L3MBTL4: variants seen among roughly 807,000 people sequenced by gnomAD.
L3MBTL4 encodes the protein L3MBTL histone methyl-lysine binding protein 4, also known as lethal(3)malignant brain tumor-like protein 4.
Under a neutral mutation model 84.5 loss-of-function variants are expected in L3MBTL4, and 70 were observed. That is an observed-to-expected ratio of 0.83 (90% confidence interval 0.68 to 1.01). L3MBTL4 has a LOEUF of 1.01. Among genes scored for constraint, L3MBTL4 ranks in the 50% least tolerant of loss-of-function variants. The pLI, the probability that L3MBTL4 is intolerant of heterozygous loss-of-function variation, is 0.00. For synonymous variants in L3MBTL4, 274 were observed against 259.8 expected (o/e 1.05, Z -0.52); for missense variants, 715 against 754.8 (o/e 0.95, Z 0.62).
rs1255965160 is a variant in L3MBTL4 at position 5,954,778 on chromosome 18, G to A, written c.*1442C>T. 6.6e-6 allele frequency: 1 copy of A among 151,614 alleles called. No individual in the cohort carries two copies. The highest frequency in any genetic ancestry group is 1.9e-4 in the East Asian group (1 of 5,142). 9.4% of individuals were successfully genotyped at this position (151,614 alleles called of 1,614,324 possible). ...TAAAATTTTAACATGGCAGAAGCAG[G>A]AATTTTACTTGCACATGGCAGTCTA... On this transcript the variant is annotated 3_prime_UTR_variant, in exon 19 of 19. Coordinates refer to ENST00000317931, the MANE Select transcript of L3MBTL4 (RefSeq NM_001330559.2).
chr18:6,246,724 C>T (rs1568375349), intron 5 of L3MBTL4, among the ~76,000 whole-genome samples: 1 of 151,988 alleles, frequency 6.6e-6, no homozygotes, highest in Admixed American at 6.6e-5. Flanking sequence ...GCCAACATGG[C>T]GAAACCCCAT....
intron 4 of L3MBTL4, among the ~76,000 whole-genome samples, chr18:6,297,083 A>T (rs1156393751): frequency 2.0e-5 from 3 of 152,190 alleles, no homozygotes; most frequent in Non-Finnish European, 2.9e-5. Flanking sequence ...CCTTGGTTCC[A>T]TCAATTAACA....
intron 1 of L3MBTL4, among the ~76,000 whole-genome samples, chr18:6,338,692 C>G (rs1464284799): frequency 6.6e-6 from 1 of 151,652 alleles, no homozygotes; most frequent in Non-Finnish European, 1.5e-5. Flanking sequence ...AATTAAAAAA[C>G]CAAAATTATC....
chr18:5,958,115 G>GAAC (rs2095241361), intron 18 of L3MBTL4, among the ~76,000 whole-genome samples: 1 of 76,562 alleles, frequency 1.3e-5, no homozygotes, highest in African/African-American at 5.6e-5. Context: ...AGAAGAAGAA[G>GAAC]AAGAAGAAGA....
intron 14 of L3MBTL4, among the ~76,000 whole-genome samples, chr18:6,129,056 T>C (rs561156272): frequency 6.6e-6 from 1 of 152,182 alleles, no homozygotes; most frequent in East Asian, 1.9e-4. Flanking sequence ...GAAAGGCTAC[T>C]TCCAAGGATA....
intron 4 of L3MBTL4, among the ~76,000 whole-genome samples, chr18:6,293,432 G>A (rs2049956937): frequency 6.6e-6 from 1 of 151,986 alleles, no homozygotes; most frequent in East Asian, 1.9e-4. Context: ...GGGACTCACT[G>A]GCCAAACTGG....
At chr18:6,385,267 T>C (rs1032394181) in intron 1 of L3MBTL4, among the ~76,000 whole-genome samples, 10 of 152,020 alleles carry the variant, frequency 6.6e-5, no homozygotes, top group South Asian at 2.1e-4. Context: ...CTGAGCATAG[T>C]GGCATGTGCC....
At position 5,980,582 on chromosome 18, in the gene L3MBTL4, C is replaced by G. The variant is rs529760995; in HGVS notation, c.1445-11020G>C. On this transcript the variant is annotated intron_variant, in intron 16 of 18. Coordinates refer to ENST00000317931, the MANE Select transcript of L3MBTL4 (RefSeq NM_001330559.2). Reference sequence around the variant, plus strand: ...GAGTAGCTGGGATTACAGGCTTGCACCACCACCCCTTGATAATTTTTATAT... The same window carrying G: ...GAGTAGCTGGGATTACAGGCTTGCAGCACCACCCCTTGATAATTTTTATAT... Among the ~76,000 whole-genome samples, 4 of 151,934 alleles carry G rather than the reference C, an allele frequency of 2.6e-5. No individual in the cohort carries two copies. The South Asian group carries it at 8.3e-4, about 32-fold the overall frequency.
chr18:6,236,046 A>G (rs1374414763), intron 10 of L3MBTL4, among the ~76,000 whole-genome samples: 1 of 152,238 alleles, frequency 6.6e-6, no homozygotes, highest in Admixed American at 6.5e-5. Context: ...TCAGTGCACC[A>G]CTATCAAAAC....
intron 13 of L3MBTL4, among the ~76,000 whole-genome samples, chr18:6,165,697 G>T (rs1445242519): frequency 1.8e-4 from 28 of 152,258 alleles, no homozygotes; most frequent in Non-Finnish European, 2.4e-4. Flanking sequence ...ACATGGAAAG[G>T]AACGACTGGT....
intron 5 of L3MBTL4, among the ~76,000 whole-genome samples, chr18:6,251,377 A>T (rs546512300): frequency 6.6e-6 from 1 of 152,368 alleles, no homozygotes; most frequent in South Asian, 2.1e-4. Flanking sequence ...AGTAAGAGAA[A>T]GGAAGAATAT....
intron 4 of L3MBTL4, among the ~76,000 whole-genome samples, chr18:6,278,333 C>T (rs1372371740): frequency 6.6e-6 from 1 of 152,094 alleles, no homozygotes; most frequent in African/African-American, 2.4e-5. Context: ...GAGATCATTA[C>T]ATGGCGAGTC....
At chr18:6,223,530 A>C (rs550591757) in intron 10 of L3MBTL4, among the ~76,000 whole-genome samples, 1 of 152,160 alleles carries the variant, frequency 6.6e-6, no homozygotes, top group Non-Finnish European at 1.5e-5. Flanking sequence ...AACAATGACA[A>C]AAAAAACATG....
chr18:6,247,968 TCA>T (rs777086565), intron 5 of L3MBTL4, among the ~76,000 whole-genome samples: 5 of 152,278 alleles, frequency 3.3e-5, no homozygotes, highest in Admixed American at 6.5e-5. Context: ...GATCATTCAA[TCA>T]CAGTGTTGTC....
At chr18:6,030,924 T>C (rs996303968) in intron 16 of L3MBTL4, 2 of 984,670 alleles carry the variant, frequency 2.0e-6, no homozygotes, top group Admixed American at 6.1e-5. Flanking sequence ...CCTTTATAAA[T>C]ACAATAAGTT....
intron 14 of L3MBTL4, among the ~76,000 whole-genome samples, chr18:6,102,130 T>C: frequency 6.6e-6 from 1 of 152,238 alleles, no homozygotes; most frequent in Non-Finnish European, 1.5e-5. Context: ...AATCAGAGGC[T>C]GTAATTGTTT....
At chr18:6,019,165 T>C (rs1378452054) in intron 16 of L3MBTL4, among the ~76,000 whole-genome samples, 1 of 152,192 alleles carries the variant, frequency 6.6e-6, no homozygotes, top group Non-Finnish European at 1.5e-5. Context: ...ACCATTAAAG[T>C]ATACCTCCCT....
chr18:6,382,264 A>G (rs1364607952), intron 1 of L3MBTL4, among the ~76,000 whole-genome samples: 1 of 152,010 alleles, frequency 6.6e-6, no homozygotes, highest in Non-Finnish European at 1.5e-5. Context: ...GCTTCCTTGC[A>G]TTGGGTTAGA....
Position 6,171,860 on chromosome 18 carries a change from T to C in L3MBTL4, c.1064A>G (p.Asp355Gly). ...CACTTCCAGTGGATGCCCTGTGACA[T>C]CACACCATCCGATCGGGTGGATATC... ...SPDIHPIGWCDVTGHPLEVPQ... is the reference protein window; with the variant it reads ...SPDIHPIGWCGVTGHPLEVPQ... Residue 355 changes from aspartate to glycine, a missense_variant, in exon 13 of 19, where the codon GAT becomes GGT. Transcript: ENST00000317931. 2.6e-6 allele frequency: 4 copies of C among 1,552,406 alleles called. No individual in the cohort carries two copies. Among genetic ancestry groups the C allele is most frequent in the Non-Finnish European group, 3.5e-6 (4 of 1,146,708 alleles).
Sources: allele counts gnomAD v4.1 joint callset (sites outside exome capture counted in the v4.1 genomes callset), GRCh38; gene constraint gnomAD v4.1.1; transcripts MANE v1.5; gene names NCBI Gene and HGNC (gene_info 2026-07-23, HGNC 2026-07-21).